Variants in COL18A1 observed in about 807,000 individuals in gnomAD.
The protein encoded by COL18A1 is collagen type XVIII alpha 1 chain.
Under a neutral mutation model 168.0 loss-of-function variants are expected in COL18A1, and 133 were observed. The ratio of observed to expected loss-of-function variants is 0.79; its 90% CI spans 0.69 to 0.91. COL18A1 has a LOEUF of 0.91. COL18A1 is among the 40% of genes least tolerant of loss of function. The pLI, the probability that COL18A1 is intolerant of heterozygous loss-of-function variation, is 0.00. For missense variants in COL18A1, 2,126 were observed against 1,925.4 expected (o/e 1.10, Z -1.95); for synonymous variants, 949 against 809.0 (o/e 1.17, Z -2.94).
chr21:45,445,174 C>T (rs931326065), intron 2 of COL18A1, among the ~76,000 whole-genome samples: 9 of 152,336 alleles, frequency 5.9e-5, no homozygotes, highest in South Asian at 2.1e-4. Context: ...CCCTGGGTTC[C>T]GTCTTCTGAG....
chr21:45,483,468 C>G (rs1382595506), intron 15 of COL18A1, among the ~76,000 whole-genome samples: 1 of 152,094 alleles, frequency 6.6e-6, no homozygotes, highest in African/African-American at 2.4e-5. Context: ...CTGACACCCC[C>G]CCAACGACCC....
chr21:45,414,486 C>T (rs1280902650), intron 2 of COL18A1, among the ~76,000 whole-genome samples: 1 of 152,244 alleles, frequency 6.6e-6, no homozygotes, highest in Non-Finnish European at 1.5e-5. Context: ...GACCACCTGT[C>T]CCAATTCAGC....
intron 2 of COL18A1, chr21:45,455,719 C>G: frequency 6.2e-7 from 1 of 1,613,950 alleles, no homozygotes; most frequent in Non-Finnish European, 8.5e-7. Flanking sequence ...CCACCACACA[C>G]GTGACCCCCC....
intron 2 of COL18A1, among the ~76,000 whole-genome samples, chr21:45,418,514 C>G (rs761118716): frequency 1.3e-5 from 2 of 152,126 alleles, no homozygotes; most frequent in South Asian, 2.1e-4. Context: ...GGCGCTTGCC[C>G]GGTCACTTGT....
rs571315514 is a variant in COL18A1, at chr21:45,442,602, G to A, written c.107-25640G>A. ...CAGTCCTGGTGTGGGCGGTGGTGCTGGTGTGGGCGGCGGTCCTGGTGTGGG... is the reference window on the plus strand; with the variant it reads ...CAGTCCTGGTGTGGGCGGTGGTGCTAGTGTGGGCGGCGGTCCTGGTGTGGG... On this transcript the variant is annotated intron_variant, in intron 2 of 41. Coordinates refer to ENST00000651438, the MANE Select transcript of COL18A1 (RefSeq NM_001379500.1). Among the ~76,000 whole-genome samples, 20 of 151,692 alleles carry A rather than the reference G, an allele frequency of 1.3e-4. No homozygotes were observed. The South Asian group carries it at 4.1e-3, about 31-fold the overall frequency.
intron 2 of COL18A1, among the ~76,000 whole-genome samples, chr21:45,437,323 C>T: frequency 8.9e-6 from 1 of 112,360 alleles, no homozygotes; most frequent in Non-Finnish European, 1.8e-5. Context: ...CTCTCCTGCA[C>T]ACACACACAC....
At chr21:45,416,095 G>A (rs887691635) in intron 2 of COL18A1, among the ~76,000 whole-genome samples, 19 of 152,194 alleles carry the variant, frequency 1.2e-4, no homozygotes, top group Non-Finnish European at 1.5e-4. Flanking sequence ...AGTTGGGAAC[G>A]TGGCCACACC....
At position 45,468,647 on chromosome 21, in the gene COL18A1, G is replaced by A. The variant is rs750582884; in HGVS notation, c.512G>A (p.Gly171Asp). ...QWTHLALSVA[G>D]GFVALYVDCE... ...ACACACTTAGCCCTCAGTGTGGCAG[G>A]TGGCTTTGTGGCCCTCTACGTGGAC... Residue 171 changes from glycine (G) to aspartate (D), a missense_variant, in exon 3 of 42, where the codon GGT becomes GAT. Physicochemically the swap from Gly to Asp is moderately conservative, Grantham distance 94. Coordinates refer to ENST00000651438, the MANE Select transcript of COL18A1 (RefSeq NM_001379500.1). The A allele has an allele frequency of 6.2e-7, 1 of 1,614,024 alleles. No individual in the cohort carries two copies. The highest frequency in any genetic ancestry group is 1.1e-5 in the South Asian group (1 of 91,090).
intron 40 of COL18A1, 66 bp downstream of exon 40, chr21:45,510,327 C>T: frequency 1.3e-6 from 2 of 1,507,712 alleles, no homozygotes; most frequent in Middle Eastern, 1.7e-4. Context: ...GGTGAACTCC[C>T]AGCGGGGAGC....
chr21:45,497,087 T>C lies in COL18A1; in HGVS notation c.2615T>C (p.Leu872Ser). 2 of 1,589,072 alleles carry C rather than the reference T, an allele frequency of 1.3e-6. No individual in the cohort carries two copies. Among genetic ancestry groups the C allele is most frequent in the Non-Finnish European group, 1.7e-6 (2 of 1,165,282 alleles). Residue 872 changes from leucine (L) to serine (S), a missense_variant, in exon 31 of 42, where the codon TTG becomes TCG. Leu to Ser is a moderately radical substitution (Grantham distance 145). Coordinates refer to ENST00000651438, the MANE Select transcript of COL18A1 (RefSeq NM_001379500.1). ...AESSRPGPPGLPGNQGPPGPK... is the reference protein window; with the variant it reads ...AESSRPGPPGSPGNQGPPGPK... Reference sequence around the variant, plus strand: ...TCCAGCCGCCCCGGGCCTCCAGGATTGCCAGGTGAGGGTCCTGGGCTCACA... The same window carrying C: ...TCCAGCCGCCCCGGGCCTCCAGGATCGCCAGGTGAGGGTCCTGGGCTCACA...
intron 24 of COL18A1, 119 bp from the exon 25 acceptor site, chr21:45,493,044 C>G: frequency 9.3e-7 from 1 of 1,071,312 alleles, no homozygotes; most frequent in Non-Finnish European, 1.4e-6. Context: ...GCGAGGGGCC[C>G]TGGTCGGGCT....
chr21:45,478,378 CCT>C lies in COL18A1; in HGVS notation c.1248+26_1248+27del, dbSNP rs147166228. 4.3e-4 allele frequency: 696 copies of C among 1,614,134 alleles called. 3 individuals are homozygous for C. The African/African-American group carries it at 6.7e-3, about 16-fold the overall frequency. ...GGTGAGTCTGCTTTTCTTTCTGACC[CCT>C]GTGTTATCTGTGATGTTTGCTTAGA... On this transcript the variant is annotated intron_variant, in intron 9 of 41. Transcript: ENST00000651438.
chr21:45,484,634 C>T (rs2145955549), intron 15 of COL18A1, among the ~76,000 whole-genome samples: 1 of 151,964 alleles, frequency 6.6e-6, no homozygotes, highest in East Asian at 1.9e-4. Context: ...GTATCTGGGG[C>T]ATGTGCACAC....
chr21:45,419,834 C>T (rs1295807943), intron 2 of COL18A1: 1 of 152,196 alleles, frequency 6.6e-6, no homozygotes, highest in Non-Finnish European at 1.5e-5. Flanking sequence ...TCCCCCGGAA[C>T]CCCAGCCCTC....
At chr21:45,507,463 G>GCA (rs200248157) in intron 37 of COL18A1, 98 bp from the exon 38 acceptor site, 1 of 365,640 alleles carries the variant, frequency 2.7e-6, no homozygotes, top group African/African-American at 6.1e-5. Context: ...GGCTGGGAGG[G>GCA]CCAGGTGCTG....
At chr21:45,507,644 GGTA>G (rs1568947383) in intron 38 of COL18A1, 51 bp downstream of exon 38, 13 of 1,541,610 alleles carry the variant, frequency 8.4e-6, no homozygotes, top group Non-Finnish European at 1.2e-5. Flanking sequence ...GACATGAGGG[GGTA>G]TGTGCTGTCC....
intron 2 of COL18A1, among the ~76,000 whole-genome samples, chr21:45,430,567 G>A (rs1048127120): frequency 6.6e-6 from 1 of 152,140 alleles, no homozygotes; most frequent in African/African-American, 2.4e-5. Context: ...CAGGTTCAGG[G>A]TCATTCTTGG....
chr21:45,447,032 A>T (rs2034517610), intron 2 of COL18A1, among the ~76,000 whole-genome samples: 1 of 152,170 alleles, frequency 6.6e-6, no homozygotes, highest in African/African-American at 2.4e-5. Context: ...TGGAGGAGCG[A>T]ATGCTTTCCT....
intron 15 of COL18A1, among the ~76,000 whole-genome samples, chr21:45,483,030 C>A (rs2035954459): frequency 6.6e-6 from 1 of 152,332 alleles, no homozygotes; most frequent in African/African-American, 2.4e-5. Context: ...CGGCCCTTGT[C>A]ACTTTTGTGA....
Sources: allele counts gnomAD v4.1 joint callset (sites outside exome capture counted in the v4.1 genomes callset), GRCh38; gene constraint gnomAD v4.1.1; transcripts MANE v1.5; gene names NCBI Gene and HGNC (gene_info 2026-07-23, HGNC 2026-07-21).